The following ASIC2 variants were observed in gnomAD, a reference collection of about 807,000 sequenced individuals.
ASIC2 encodes the protein acid-sensing ion channel 2.
ASIC2 carries 25 observed loss-of-function variants against 57.3 expected under a neutral mutation model. The ratio of observed to expected loss-of-function variants is 0.44; its 90% CI spans 0.32 to 0.61. The LOEUF (loss-of-function observed/expected upper bound fraction) is 0.61. Among genes scored for constraint, ASIC2 ranks in the 20% least tolerant of loss-of-function variants. ASIC2 has a pLI of 0.06. For synonymous variants in ASIC2, 319 were observed against 307.5 expected (o/e 1.04, Z -0.39); for missense variants, 641 against 738.1 (o/e 0.87, Z 1.52).
At chr17:33,922,597 A>G (rs1351008304) in intron 1 of ASIC2, among the ~76,000 whole-genome samples, 1 of 152,218 alleles carries the variant, frequency 6.6e-6, no homozygotes, top group Non-Finnish European at 1.5e-5. Context: ...AACATTCTAC[A>G]AATGTGAACT....
intron 1 of ASIC2, among the ~76,000 whole-genome samples, chr17:34,084,536 G>A (rs1910023107): frequency 6.6e-6 from 1 of 152,106 alleles, no homozygotes; most frequent in Non-Finnish European, 1.5e-5. Context: ...CTCTTTTTTG[G>A]TTCCATATGA....
chr17:33,817,024 C>T (rs1912603562), intron 1 of ASIC2, among the ~76,000 whole-genome samples: 1 of 152,260 alleles, frequency 6.6e-6, no homozygotes, highest in Admixed American at 6.5e-5. Context: ...GCACATCTCA[C>T]TGCTCTCCCA....
intron 1 of ASIC2, among the ~76,000 whole-genome samples, chr17:33,259,742 G>T (rs975537652): frequency 6.6e-6 from 1 of 152,158 alleles, no homozygotes; most frequent in Admixed American, 6.5e-5. Context: ...GAAGTAAGAC[G>T]CAATCCTCCT....
Position 33,307,511 on chromosome 17 carries a change from T to C in ASIC2, c.556-195444A>G, listed in dbSNP as rs149073915. 2.9e-3 allele frequency among the ~76,000 whole-genome samples: 442 copies of C among 152,256 alleles called. 1 individual carries two copies. The highest frequency in any genetic ancestry group is 0.01 in the African/African-American group (436 of 41,544). ...TTTTAGTAGAGACAGGATTTCACCA[T>C]GTTGGCCAGACTAGTCTCGAACTCC... On this transcript the variant is annotated intron_variant, in intron 1 of 9. Transcript: ENST00000359872.
At chr17:33,901,631 T>G (rs1017526108) in intron 1 of ASIC2, among the ~76,000 whole-genome samples, 22 of 152,184 alleles carry the variant, frequency 1.4e-4, no homozygotes, top group African/African-American at 4.3e-4. Flanking sequence ...GCAAACCATA[T>G]GATAAGCTTT....
chr17:33,130,257 TC>T (rs1170122097), intron 1 of ASIC2, among the ~76,000 whole-genome samples: 1 of 152,154 alleles, frequency 6.6e-6, no homozygotes, highest in African/African-American at 2.4e-5. Flanking sequence ...CGTTAAATTC[TC>T]CTCTTTTTCT....
At chr17:33,165,571 C>T (rs1453659498) in intron 1 of ASIC2, among the ~76,000 whole-genome samples, 1 of 151,976 alleles carries the variant, frequency 6.6e-6, no homozygotes, top group Non-Finnish European at 1.5e-5. Context: ...ATAGGGGAAT[C>T]TGATTATTCT....
intron 1 of ASIC2, among the ~76,000 whole-genome samples, chr17:33,624,747 G>A (rs1905918633): frequency 6.6e-6 from 1 of 152,192 alleles, no homozygotes; most frequent in South Asian, 2.1e-4. Context: ...TAGGCCTTAA[G>A]TTCTTTGAGT....
chr17:33,034,330 C>G (rs1024430138), intron 3 of ASIC2, among the ~76,000 whole-genome samples: 1 of 152,142 alleles, frequency 6.6e-6, no homozygotes, highest in African/African-American at 2.4e-5. Context: ...AATACCCTGT[C>G]TCTAGCAAGT....
At chr17:33,397,509 G>C (rs747165238) in intron 1 of ASIC2, among the ~76,000 whole-genome samples, 1 of 152,218 alleles carries the variant, frequency 6.6e-6, no homozygotes, top group Non-Finnish European at 1.5e-5. Flanking sequence ...ATGGTCTGAA[G>C]ACAAGAGATT....
chr17:33,490,440 C>T (rs1425528246), intron 1 of ASIC2, among the ~76,000 whole-genome samples: 1 of 152,208 alleles, frequency 6.6e-6, no homozygotes, highest in Non-Finnish European at 1.5e-5. Flanking sequence ...GCTGTGTTCC[C>T]ACCCAAATCT....
chr17:33,583,517 C>T (rs996521052), intron 1 of ASIC2, among the ~76,000 whole-genome samples: 1 of 152,114 alleles, frequency 6.6e-6, no homozygotes, highest in Non-Finnish European at 1.5e-5. Context: ...ACCTTCCTTC[C>T]AGAACAGAGG....
chr17:33,992,635 G>A (rs997160084), intron 1 of ASIC2, among the ~76,000 whole-genome samples: 1 of 152,206 alleles, frequency 6.6e-6, no homozygotes, highest in African/African-American at 2.4e-5. Flanking sequence ...CAAACCCTGA[G>A]TTCAGTGGAC....
At chr17:33,446,740 G>A (rs542183404) in intron 1 of ASIC2, among the ~76,000 whole-genome samples, 3 of 152,126 alleles carry the variant, frequency 2.0e-5, no homozygotes, top group South Asian at 4.1e-4. Flanking sequence ...GAATGGACTA[G>A]GTGTGCAATA....
chr17:33,359,823 TG>T (rs1908528404), intron 1 of ASIC2, among the ~76,000 whole-genome samples: 1 of 152,174 alleles, frequency 6.6e-6, no homozygotes, highest in African/African-American at 2.4e-5. Context: ...GAAGTGACTT[TG>T]AGAAAGGAAG....
intron 1 of ASIC2, among the ~76,000 whole-genome samples, chr17:33,701,033 G>A (rs1757418086): frequency 6.6e-6 from 1 of 152,190 alleles, no homozygotes; most frequent in Non-Finnish European, 1.5e-5. Flanking sequence ...AGGGAGAAAG[G>A]CATAAAGTCA....
chr17:33,474,254 C>T (rs954149286), intron 1 of ASIC2, among the ~76,000 whole-genome samples: 3 of 152,160 alleles, frequency 2.0e-5, no homozygotes, highest in Admixed American at 6.5e-5. Flanking sequence ...GTAGTCTCAG[C>T]TACTCGGGAG....
At chr17:33,859,721 C>T (rs952068254) in intron 1 of ASIC2, among the ~76,000 whole-genome samples, 7 of 152,156 alleles carry the variant, frequency 4.6e-5, no homozygotes, top group Non-Finnish European at 8.8e-5. Flanking sequence ...GGGTCTGCCA[C>T]CCAAGCTAGA....
chr17:33,868,196 T>C (rs1359874389), intron 1 of ASIC2, among the ~76,000 whole-genome samples: 1 of 53,228 alleles, frequency 1.9e-5, no homozygotes, highest in African/African-American at 4.1e-5. Flanking sequence ...TGTGTGTGTA[T>C]GTGTGTGTGT....
Sources: allele counts gnomAD v4.1 joint callset (sites outside exome capture counted in the v4.1 genomes callset), GRCh38; gene constraint gnomAD v4.1.1; transcripts MANE v1.5; gene names NCBI Gene and HGNC (gene_info 2026-07-23, HGNC 2026-07-21).